The following FGL1 variants were observed in gnomAD, a reference collection of about 807,000 sequenced individuals.
FGL1 encodes fibrinogen like 1, also known as fibrinogen-like protein 1.
FGL1 carries 59 observed loss-of-function variants against 43.7 expected under a neutral mutation model. The observed-to-expected ratio is 1.35, with a 90% CI of 1.10 to 1.68. FGL1 has a LOEUF of 1.68. Ranked by LOEUF, FGL1 falls within the 40% of genes most tolerant of loss-of-function variation. The probability of loss-of-function intolerance (pLI) is 0.00; values close to 1 mark genes in which losing one functional copy is unlikely to be tolerated. For missense variants in FGL1, 596 were observed against 373.0 expected, an observed-to-expected ratio of 1.60 and a Z score of -4.92; for synonymous variants, 192 against 126.5, an observed-to-expected ratio of 1.52 and a Z score of -3.48.
intron 2 of FGL1, among the ~76,000 whole-genome samples, chr8:17,883,488 A>G (rs1302655247): frequency 7.8e-6 from 1 of 128,758 alleles, no homozygotes; most frequent in Non-Finnish European, 1.5e-5. Context: ...ATAATATATA[A>G]TATATTAAAT....
chr8:17,895,418 C>T (rs1416506672), intron 1 of FGL1, 29 bp downstream of exon 1: 1 of 1,277,954 alleles, frequency 7.8e-7, no homozygotes, highest in Non-Finnish European at 1.0e-6. Context: ...ACAAGCATGT[C>T]AAAAATGCAG....
intron 7 of FGL1, among the ~76,000 whole-genome samples, chr8:17,867,226 C>G (rs1040817194): frequency 6.6e-6 from 1 of 152,118 alleles, no homozygotes; most frequent in Non-Finnish European, 1.5e-5. Context: ...CTTTTTCAGT[C>G]TGATAACCGA....
chr8:17,877,379 G>C (rs891182642), intron 3 of FGL1, among the ~76,000 whole-genome samples: 1 of 152,198 alleles, frequency 6.6e-6, no homozygotes, highest in Non-Finnish European at 1.5e-5. Context: ...AGCCATGTTG[G>C]AAGGCTGAAT....
chr8:17,882,228 A>C lies in FGL1; in HGVS notation c.64-49T>G, dbSNP rs1331518582. The C allele has an allele frequency of 2.7e-6, 4 of 1,488,804 alleles. No individual in the cohort carries two copies. The South Asian group carries it at 5.1e-5, about 19-fold the overall frequency. 92.2% of individuals were successfully genotyped at this position (1,488,804 alleles called of 1,614,324 possible). On this transcript the variant is annotated intron_variant, in intron 2 of 7. Coordinates refer to ENST00000427924, the MANE Select transcript of FGL1 (RefSeq NM_004467.4). ...GAGTATGCACCTCATTTTCATGGAAAACAAGTGCTTTTTAAACATTTGGAT... is the reference window on the plus strand; with the variant it reads ...GAGTATGCACCTCATTTTCATGGAACACAAGTGCTTTTTAAACATTTGGAT...
At chr8:17,870,180 G>A (rs1191011385) in intron 5 of FGL1, among the ~76,000 whole-genome samples, 1 of 152,024 alleles carries the variant, frequency 6.6e-6, no homozygotes, top group Non-Finnish European at 1.5e-5. Flanking sequence ...ATATGCTAAA[G>A]AATGATATAT....
At chr8:17,875,589 CTT>C (rs1287788050) in intron 3 of FGL1, among the ~76,000 whole-genome samples, 1 of 132,306 alleles carries the variant, frequency 7.6e-6, no homozygotes, top group Admixed American at 7.9e-5. Context: ...TTCTTTCTTT[CTT>C]TCTTTCTTTC....
intron 1 of FGL1, among the ~76,000 whole-genome samples, chr8:17,892,640 G>A (rs2053720522): frequency 6.6e-6 from 1 of 152,070 alleles, no homozygotes; most frequent in East Asian, 1.9e-4. Context: ...TTACTGATTA[G>A]GATTTTTCCT....
intron 3 of FGL1, among the ~76,000 whole-genome samples, chr8:17,880,322 C>T (rs778943785): frequency 1.2e-4 from 18 of 152,184 alleles, no homozygotes; most frequent in Admixed American, 7.2e-4. Context: ...GAGTCTCATG[C>T]GCTACAGTGT....
At chr8:17,878,220 G>C (rs1389499807) in intron 3 of FGL1, among the ~76,000 whole-genome samples, 2 of 152,112 alleles carry the variant, frequency 1.3e-5, no homozygotes, top group African/African-American at 4.8e-5. Context: ...TCAAAGTGCA[G>C]GGATTACAGG....
At position 17,872,594 on chromosome 8, in the gene FGL1, T is replaced by A. The variant is rs1013339350; in HGVS notation, c.502+1425A>T. Among the ~76,000 whole-genome samples the A allele has an allele frequency of 9.9e-5, 15 of 152,216 alleles. No homozygotes were observed. In the South Asian group the frequency reaches 3.1e-3, roughly 32 times the overall value. ...CTGGGATTACAGGCATGAGCCACCA[T>A]GCCCAGCTGTTTATTTTTAATGCAA... On this transcript the variant is annotated intron_variant, in intron 5 of 7. Coordinates refer to ENST00000427924, the MANE Select transcript of FGL1 (RefSeq NM_004467.4).
chr8:17,867,451 T>C (rs1439876359), intron 7 of FGL1, among the ~76,000 whole-genome samples: 3 of 152,218 alleles, frequency 2.0e-5, no homozygotes, highest in African/African-American at 7.2e-5. Context: ...TCTCTGTTTT[T>C]TCCTATAATA....
In FGL1 at chr8:17,868,956, C is replaced by T. The variant is rs147845891; in HGVS notation, c.551G>A (p.Arg184His). The T allele has an allele frequency of 1.4e-4, 227 of 1,605,518 alleles. 1 individual carries two copies. The highest frequency in any genetic ancestry group is 3.0e-4 in the African/African-American group (22 of 74,560). ...TTTGAAATTCTTATATTGTGCATAA[C>T]GGCTATTTTTTTCAAAATCTGCAAG... ...IDLADFEKNS[R>H]YAQYKNFKVG... Residue 184 changes from arginine to histidine, a missense_variant, in exon 6 of 8, where the codon CGT becomes CAT. By Grantham distance (29) the Arg-to-His change is conservative. Coordinates refer to ENST00000427924, the MANE Select transcript of FGL1 (RefSeq NM_004467.4).
intron 2 of FGL1, among the ~76,000 whole-genome samples, chr8:17,884,173 T>G (rs1173731190): frequency 6.7e-6 from 1 of 149,984 alleles, no homozygotes; most frequent in African/African-American, 2.5e-5. Context: ...CAGCCATTTT[T>G]CTAGGATGAT....
chr8:17,874,743 A>C (rs1009531958), intron 3 of FGL1: 9 of 351,718 alleles, frequency 2.6e-5, no homozygotes, highest in Non-Finnish European at 4.6e-5. Flanking sequence ...ATAATCATCG[A>C]GGAAAAAAGG....
intron 1 of FGL1, among the ~76,000 whole-genome samples, chr8:17,894,343 G>C (rs1351802256): frequency 6.8e-6 from 1 of 147,160 alleles, no homozygotes; most frequent in Middle Eastern, 3.5e-3. Flanking sequence ...AAGTCAGTGA[G>C]TTAAAAATGT....
At chr8:17,880,200 G>C (rs935718486) in intron 3 of FGL1, among the ~76,000 whole-genome samples, 2 of 152,158 alleles carry the variant, frequency 1.3e-5, no homozygotes, top group Admixed American at 6.5e-5. Context: ...CTAAGGGCCA[G>C]AGGGAGGGCA....
At chr8:17,883,087 ATCATATG>A (rs1477646651) in intron 2 of FGL1, among the ~76,000 whole-genome samples, 1 of 57,336 alleles carries the variant, frequency 1.7e-5, no homozygotes, top group Non-Finnish European at 2.8e-5. Context: ...TATAATATAT[ATCATATG>A]TAATATATTA....
intron 4 of FGL1, 70 bp from the exon 5 acceptor site, chr8:17,874,186 C>T (rs2053408307): frequency 3.7e-6 from 5 of 1,360,380 alleles, no homozygotes; most frequent in Non-Finnish European, 5.2e-6. Context: ...CACCACCCAC[C>T]CCCTGCTACC....
rs772554719 is a variant in FGL1, at chr8:17,874,475, G to C, written c.291C>G (p.Tyr97Ter). 3 of 1,613,942 alleles carry C rather than the reference G, an allele frequency of 1.9e-6. No individual in the cohort carries two copies. The highest frequency in any genetic ancestry group is 1.7e-6 in the Non-Finnish European group (2 of 1,179,936). The stretch of plus-strand genomic sequence containing the variant: ...CTGGGCTCTGGAGAGGTTTGATTTT[G>C]TAAAATCCACTGAGCTTATACCCAT... Reference protein sequence around the residue: ...FNDGYKLSGFYKIKPLQSPAE... With the variant: ...FNDGYKLSGF The change falls in exon 4 of 8, where the codon TAC (tyrosine) becomes TAG (stop). Residue 97 changes from tyrosine (Y) to a stop codon, truncating the protein, a stop_gained. Coordinates refer to ENST00000427924, the MANE Select transcript of FGL1 (RefSeq NM_004467.4). LOFTEE classifies it high-confidence loss of function.
Sources: allele counts gnomAD v4.1 joint callset (sites outside exome capture counted in the v4.1 genomes callset), GRCh38; gene constraint gnomAD v4.1.1; transcripts MANE v1.5; gene names NCBI Gene and HGNC (gene_info 2026-07-23, HGNC 2026-07-21).